Variants in LSAMP observed in about 807,000 individuals in gnomAD.
LSAMP encodes limbic system-associated membrane protein.
Under a neutral mutation model 38.6 loss-of-function variants are expected in LSAMP, and 7 were observed. The observed-to-expected ratio is 0.18, with a 90% CI of 0.10 to 0.34. The LOEUF (loss-of-function observed/expected upper bound fraction) is 0.34, where lower values mean the gene tolerates loss of function less well. LSAMP is among the 10% of genes least tolerant of loss of function. The pLI, the probability that LSAMP is intolerant of heterozygous loss-of-function variation, is 1.00. For synonymous variants in LSAMP, 154 were observed against 166.8 expected, an observed-to-expected ratio of 0.92 and a Z score of 0.59; for missense variants, 313 against 420.0, an observed-to-expected ratio of 0.75 and a Z score of 2.23.
At chr3:116,001,341 A>G (rs150289814) in intron 3 of LSAMP, among the ~76,000 whole-genome samples, 32 of 152,292 alleles carry the variant, frequency 2.1e-4, no homozygotes, top group Middle Eastern at 3.4e-3. Context: ...ATTATACACC[A>G]TTATGCCAAA....
chr3:115,902,045 ATAAAG>A (rs1483821616), intron 3 of LSAMP, among the ~76,000 whole-genome samples: 2 of 152,088 alleles, frequency 1.3e-5, no homozygotes, highest in African/African-American at 2.4e-5. Flanking sequence ...AAAAATCACA[ATAAAG>A]TAAGAGGAAC....
intron 1 of LSAMP, among the ~76,000 whole-genome samples, chr3:116,288,347 T>C (rs1316236162): frequency 1.3e-5 from 2 of 152,196 alleles, no homozygotes; most frequent in Admixed American, 1.3e-4. Flanking sequence ...GTATCGTTAA[T>C]TGTGGGTAAC....
intron 1 of LSAMP, among the ~76,000 whole-genome samples, chr3:116,104,508 A>G (rs2107456233): frequency 6.6e-6 from 1 of 152,304 alleles, no homozygotes; most frequent in South Asian, 2.1e-4. Flanking sequence ...CTAATATGAT[A>G]AAGAAAGATT....
chr3:116,017,718 G>A (rs1940523668), intron 3 of LSAMP, among the ~76,000 whole-genome samples: 1 of 152,062 alleles, frequency 6.6e-6, no homozygotes, highest in Non-Finnish European at 1.5e-5. Flanking sequence ...GCAAACGATT[G>A]CTTAGGAAAA....
At chr3:116,164,905 A>G (rs1326501690) in intron 1 of LSAMP, among the ~76,000 whole-genome samples, 1 of 151,574 alleles carries the variant, frequency 6.6e-6, no homozygotes, top group Non-Finnish European at 1.5e-5. Context: ...TCCTATAGGA[A>G]GAGAACTAAA....
intron 1 of LSAMP, among the ~76,000 whole-genome samples, chr3:116,148,772 T>C (rs1709543956): frequency 6.6e-6 from 1 of 152,016 alleles, no homozygotes; most frequent in African/African-American, 2.4e-5. Context: ...GAGAGGGGCC[T>C]ATTGCAGATT....
intron 1 of LSAMP, among the ~76,000 whole-genome samples, chr3:116,288,796 G>A (rs1234781967): frequency 6.6e-6 from 1 of 152,016 alleles, no homozygotes; most frequent in Admixed American, 6.6e-5. Flanking sequence ...TTTCATAAGG[G>A]GACCTCAAAC....
At chr3:116,313,143 C>A (rs975625952) in intron 1 of LSAMP, among the ~76,000 whole-genome samples, 1 of 152,148 alleles carries the variant, frequency 6.6e-6, no homozygotes, top group Admixed American at 6.5e-5. Context: ...CTTTGCTTAA[C>A]CCATGAAGGC....
At chr3:116,242,877 A>G (rs144557187) in intron 1 of LSAMP, among the ~76,000 whole-genome samples, 280 of 152,318 alleles carry the variant, frequency 1.8e-3, no homozygotes, top group African/African-American at 5.9e-3. Context: ...TCAAATATGG[A>G]TTAAAATATT....
chr3:115,973,458 C>T (rs527653024), intron 3 of LSAMP, among the ~76,000 whole-genome samples: 117 of 152,280 alleles, frequency 7.7e-4, no homozygotes, highest in Admixed American at 2.1e-3. Flanking sequence ...GTTGGCCAGG[C>T]GCGGTGGCTC....
In LSAMP at chr3:116,159,486, T is replaced by C. The variant is rs142300497; in HGVS notation, c.156-72930A>G. On this transcript the variant is annotated intron_variant, in intron 1 of 6. Coordinates refer to ENST00000490035, the MANE Select transcript of LSAMP (RefSeq NM_002338.5). ...CAAAATAAGACATATATGTGGCCAA[T>C]AGGCATATTAAAAAAAGCTCAATGT... 3.4e-4 allele frequency among the ~76,000 whole-genome samples: 51 copies of C among 152,070 alleles called. No homozygotes were observed. In the East Asian group the frequency reaches 4.8e-3, roughly 14 times the overall value.
chr3:115,952,506 G>C (rs1372025515), intron 3 of LSAMP, among the ~76,000 whole-genome samples: 1 of 152,196 alleles, frequency 6.6e-6, no homozygotes, highest in Non-Finnish European at 1.5e-5. Context: ...TCAAAAGTGG[G>C]AGCTAAGCTA....
At chr3:116,357,760 A>G (rs1282787587) in intron 1 of LSAMP, among the ~76,000 whole-genome samples, 1 of 152,182 alleles carries the variant, frequency 6.6e-6, no homozygotes, top group Non-Finnish European at 1.5e-5. Context: ...CAAAGCTAAT[A>G]TAAGTAAATA....
At position 115,842,531 on chromosome 3, in the gene LSAMP, G is replaced by T. The variant is rs1038571779; in HGVS notation, c.697C>A (p.Arg233=). Residue 233 remains arginine (R), a synonymous_variant, in exon 5 of 7, where the codon CGA becomes AGA. Transcript: ENST00000490035. ...GCCTCACATTTGAGTGAAGCTTGTC[G>T]TCCTGTGGTGGCTTCATTGCTCTTG... ...ESKSNEATTG[R]QASLKCEASA... 2 of 1,613,860 alleles carry T rather than the reference G, an allele frequency of 1.2e-6. No individual in the cohort carries two copies. Among genetic ancestry groups the T allele is most frequent in the East Asian group, 2.2e-5 (1 of 44,858 alleles).
At chr3:116,099,977 C>T (rs1708306739) in intron 1 of LSAMP, among the ~76,000 whole-genome samples, 1 of 151,564 alleles carries the variant, frequency 6.6e-6, no homozygotes, top group East Asian at 1.9e-4. Flanking sequence ...TGAAACTCAT[C>T]ATCTTCCACT....
At chr3:116,112,665 G>A (rs1708642716) in intron 1 of LSAMP, among the ~76,000 whole-genome samples, 1 of 151,932 alleles carries the variant, frequency 6.6e-6, no homozygotes, top group Non-Finnish European at 1.5e-5. Flanking sequence ...TGGATCTGGT[G>A]GCATCCACAG....
intron 1 of LSAMP, among the ~76,000 whole-genome samples, chr3:116,284,697 T>C (rs2047171406): frequency 6.6e-6 from 1 of 152,220 alleles, no homozygotes; most frequent in Admixed American, 6.5e-5. Context: ...CTGCTGTATA[T>C]AAGACAGCCC....
At chr3:116,057,346 A>T (rs977433840) in intron 2 of LSAMP, among the ~76,000 whole-genome samples, 1 of 152,228 alleles carries the variant, frequency 6.6e-6, no homozygotes, top group African/African-American at 2.4e-5. Flanking sequence ...ATCTTCATGT[A>T]GAGTTGTCTT....
chr3:115,906,832 A>G (rs1263818446), intron 3 of LSAMP, among the ~76,000 whole-genome samples: 1 of 152,144 alleles, frequency 6.6e-6, no homozygotes, highest in Admixed American at 6.6e-5. Flanking sequence ...TATTTATTAC[A>G]TATTAAACTG....
Sources: allele counts gnomAD v4.1 joint callset (sites outside exome capture counted in the v4.1 genomes callset), GRCh38; gene constraint gnomAD v4.1.1; transcripts MANE v1.5; gene names NCBI Gene and HGNC (gene_info 2026-07-23, HGNC 2026-07-21).